SUGCT: variants seen among roughly 807,000 people sequenced by gnomAD.
SUGCT encodes the protein succinyl-CoA:glutarate CoA-transferase.
SUGCT carries 41 observed loss-of-function variants against 55.0 expected under a neutral mutation model. The observed-to-expected ratio is 0.74, with a 90% CI of 0.58 to 0.97. SUGCT has a LOEUF of 0.97. Ranked by LOEUF, SUGCT falls within the 50% of genes least tolerant of loss-of-function variation. The pLI, the probability that SUGCT is intolerant of heterozygous loss-of-function variation, is 0.00. For missense variants in SUGCT, 568 were observed against 547.8 expected, an observed-to-expected ratio of 1.04 and a Z score of -0.37; for synonymous variants, 187 against 200.4, an observed-to-expected ratio of 0.93 and a Z score of 0.56.
At chr7:40,478,018 G>A (rs1006607555) in intron 11 of SUGCT, among the ~76,000 whole-genome samples, 2 of 152,046 alleles carry the variant, frequency 1.3e-5, no homozygotes, top group African/African-American at 2.4e-5. Flanking sequence ...TAGGAGAGAG[G>A]TTCTTGCTGT....
chr7:40,324,079 C>G (rs890549759), intron 9 of SUGCT, among the ~76,000 whole-genome samples: 4 of 151,888 alleles, frequency 2.6e-5, no homozygotes, highest in Admixed American at 6.6e-5. Context: ...CTCCCAAACT[C>G]TTGCATTTGA....
intron 6 of SUGCT, among the ~76,000 whole-genome samples, chr7:40,214,785 G>A (rs1787528429): frequency 6.6e-6 from 1 of 152,124 alleles, no homozygotes; most frequent in Non-Finnish European, 1.5e-5. Context: ...GTGGTGGCAT[G>A]TGCCTGTAGT....
At chr7:40,972,087 A>G in the SUGCT span, among the ~76,000 whole-genome samples, 2 of 151,970 alleles carry the variant, frequency 1.3e-5, no homozygotes, top group African/African-American at 4.8e-5. Flanking sequence ...TGAAATGTTT[A>G]TGTGTTTATA....
At chr7:40,505,573 C>T (rs1025316862) in intron 12 of SUGCT, among the ~76,000 whole-genome samples, 2 of 151,746 alleles carry the variant, frequency 1.3e-5, no homozygotes, top group Non-Finnish European at 2.9e-5. Flanking sequence ...CTCAATTTAC[C>T]GAAATTGACT....
intron 13 of SUGCT, among the ~76,000 whole-genome samples, chr7:40,776,125 C>T (rs1426089257): frequency 6.6e-6 from 1 of 152,166 alleles, no homozygotes; most frequent in Non-Finnish European, 1.5e-5. Context: ...GAAAGTCAGC[C>T]AGGGAATCCA....
chr7:40,538,038 T>C (rs541884912), intron 12 of SUGCT: 2 of 152,326 alleles, frequency 1.3e-5, no homozygotes, highest in South Asian at 4.1e-4. Context: ...ATTTCGACTC[T>C]GTTATATCCT....
intron 1 of SUGCT, among the ~76,000 whole-genome samples, chr7:40,171,819 C>A (rs1784684305): frequency 6.6e-6 from 1 of 152,198 alleles, no homozygotes; most frequent in South Asian, 2.1e-4. Context: ...AGGCTACGCC[C>A]TTGTTTACAC....
At chr7:40,178,312 G>A (rs1785022930) in intron 1 of SUGCT, among the ~76,000 whole-genome samples, 1 of 152,094 alleles carries the variant, frequency 6.6e-6, no homozygotes, top group South Asian at 2.1e-4. Context: ...TTATTTGTAA[G>A]TTGGATCTAG....
chr7:40,292,903 T>C (rs1793877237), intron 8 of SUGCT, among the ~76,000 whole-genome samples: 1 of 152,150 alleles, frequency 6.6e-6, no homozygotes, highest in African/African-American at 2.4e-5. Context: ...ACTTCTGTAT[T>C]TTCTAACTAT....
intron 7 of SUGCT, among the ~76,000 whole-genome samples, chr7:40,258,245 C>G (rs565048160): frequency 6.6e-6 from 1 of 152,266 alleles, no homozygotes; most frequent in South Asian, 2.1e-4. Context: ...CCATTGAAGA[C>G]CTATTTAACA....
At chr7:40,556,606 C>T (rs1795574183) in intron 12 of SUGCT, among the ~76,000 whole-genome samples, 2 of 152,210 alleles carry the variant, frequency 1.3e-5, no homozygotes, top group African/African-American at 4.8e-5. Flanking sequence ...AGCGTGGACT[C>T]TGTAGCCAGA....
chr7:41,033,052 G>T, the SUGCT span, among the ~76,000 whole-genome samples: 8 of 152,200 alleles, frequency 5.3e-5, no homozygotes, highest in African/African-American at 1.7e-4. Context: ...ATGAGCCACT[G>T]CGTGGGGCCA....
the SUGCT span, among the ~76,000 whole-genome samples, chr7:40,967,775 C>T: frequency 2.7e-5 from 4 of 150,784 alleles, no homozygotes; most frequent in African/African-American, 9.8e-5. Context: ...TGCCCGCCAC[C>T]ACGCCCAGCT....
At chr7:40,487,553 T>C (rs1791450583) in intron 11 of SUGCT, among the ~76,000 whole-genome samples, 1 of 152,098 alleles carries the variant, frequency 6.6e-6, no homozygotes, top group Non-Finnish European at 1.5e-5. Flanking sequence ...TTAAGTCTAA[T>C]GTTTCCTTGT....
downstream of SUGCT, among the ~76,000 whole-genome samples, chr7:40,861,406 G>A (rs1219573809): frequency 6.6e-6 from 1 of 152,154 alleles, no homozygotes; most frequent in Non-Finnish European, 1.5e-5. Context: ...TGGATATAAA[G>A]TATAAAAAAC....
chr7:40,381,353 A>G (rs772997139), intron 9 of SUGCT, among the ~76,000 whole-genome samples: 5 of 152,114 alleles, frequency 3.3e-5, no homozygotes, highest in Non-Finnish European at 5.9e-5. Flanking sequence ...ATTATAAGAC[A>G]TTGGTATTTT....
the SUGCT span, among the ~76,000 whole-genome samples, chr7:41,000,484 GT>G: frequency 6.7e-3 from 967 of 143,498 alleles, 6 homozygotes; most frequent in Admixed American, 9.5e-3. Context: ...TAACTTAGTT[GT>G]TTTTTTTTTT....
At chr7:40,961,014 C>T in the SUGCT span, among the ~76,000 whole-genome samples, 1 of 152,166 alleles carries the variant, frequency 6.6e-6, no homozygotes, top group Non-Finnish European at 1.5e-5. Flanking sequence ...TTGGAAGACT[C>T]TCTTAAGAAG....
chr7:40,797,650 C>A (rs1314184990), intron 13 of SUGCT, among the ~76,000 whole-genome samples: 2 of 152,154 alleles, frequency 1.3e-5, no homozygotes, highest in Non-Finnish European at 2.9e-5. Flanking sequence ...ACCTTTGGAC[C>A]AGCCACTGAT....
Sources: allele counts gnomAD v4.1 joint callset (sites outside exome capture counted in the v4.1 genomes callset), GRCh38; gene constraint gnomAD v4.1.1; transcripts MANE v1.5; gene names NCBI Gene and HGNC (gene_info 2026-07-23, HGNC 2026-07-21).